Variants in MGST2 observed in about 807,000 individuals in gnomAD.
MGST2 encodes the protein glutathione peroxidase MGST2.
Under a neutral mutation model 16.6 loss-of-function variants are expected in MGST2, and 9 were observed. The observed-to-expected ratio is 0.54, with a 90% CI of 0.33 to 0.95. The LOEUF (loss-of-function observed/expected upper bound fraction) is 0.95, where lower values mean the gene tolerates loss of function less well. MGST2 is among the 40% of genes least tolerant of loss of function. MGST2 has a pLI of 0.03. For synonymous variants in MGST2, 79 were observed against 68.0 expected, an observed-to-expected ratio of 1.16 and a Z score of -0.79; for missense variants, 159 against 175.1, an observed-to-expected ratio of 0.91 and a Z score of 0.52.
downstream of MGST2, among the ~76,000 whole-genome samples, chr4:139,706,964 T>C (rs1383492099): frequency 6.6e-6 from 1 of 152,170 alleles, no homozygotes; most frequent in Non-Finnish European, 1.5e-5. Flanking sequence ...AGAAATCAGA[T>C]TCATTGCCTT....
downstream of MGST2, among the ~76,000 whole-genome samples, chr4:139,709,071 A>AATTTTTTTT (rs755140695): frequency 6.1e-5 from 5 of 82,026 alleles, no homozygotes; most frequent in Non-Finnish European, 9.0e-5. Flanking sequence ...AATGGAAAAA[A>AATTTTTTTT]TTTTTTTTTT....
At chr4:139,739,863 A>G (rs903144413) in intron 5 of MGST2, among the ~76,000 whole-genome samples, 10 of 152,128 alleles carry the variant, frequency 6.6e-5, no homozygotes, top group Non-Finnish European at 1.2e-4. Flanking sequence ...ATTATTTTTA[A>G]AAGCTTGTTA....
At chr4:139,703,718 G>A (rs969247529) in intron 4 of MGST2, among the ~76,000 whole-genome samples, 182 bp downstream of exon 4, 4 of 152,210 alleles carry the variant, frequency 2.6e-5, no homozygotes, top group Admixed American at 6.5e-5. Flanking sequence ...GAAAATGCAA[G>A]TATAAAACTG....
chr4:139,719,017 C>A, intron 5 of MGST2: 1 of 316,732 alleles, frequency 3.2e-6, no homozygotes, highest in South Asian at 6.1e-5. Context: ...GCCAGGCGAT[C>A]ACAGGGCATG....
intron 5 of MGST2, among the ~76,000 whole-genome samples, chr4:139,726,776 C>T (rs536154328): frequency 1.9e-4 from 29 of 152,336 alleles, no homozygotes; most frequent in African/African-American, 7.0e-4. Context: ...CTTTCTTCTT[C>T]CACTCACGGG....
At chr4:139,672,300 C>A (rs911358394) in intron 1 of MGST2, among the ~76,000 whole-genome samples, 12 of 152,174 alleles carry the variant, frequency 7.9e-5, no homozygotes, top group Admixed American at 2.0e-4. Flanking sequence ...TAGGTGGAAA[C>A]AAGAAGACTT....
chr4:139,694,918 T>G (rs955784180), intron 2 of MGST2, among the ~76,000 whole-genome samples: 53 of 152,172 alleles, frequency 3.5e-4, no homozygotes, highest in African/African-American at 1.3e-3. Flanking sequence ...AGATATGGAG[T>G]GATCTTTAGG....
intron 3 of MGST2, chr4:139,698,428 T>C: frequency 6.5e-6 from 9 of 1,386,866 alleles, no homozygotes; most frequent in Non-Finnish European, 7.2e-6. Context: ...GTACCAGGCC[T>C]GTAACGATGA....
intron 5 of MGST2, chr4:139,730,855 G>GAGGC (rs1233066684): frequency 3.3e-6 from 2 of 606,430 alleles, no homozygotes; most frequent in Non-Finnish European, 5.8e-6. Context: ...TAGAATGAGA[G>GAGGC]AGGCCACAAG....
At chr4:139,752,835 A>G in the MGST2 span, among the ~76,000 whole-genome samples, 7 of 152,274 alleles carry the variant, frequency 4.6e-5, no homozygotes, top group East Asian at 1.4e-3. Flanking sequence ...TACATTGATA[A>G]CCATAGTTCT....
In MGST2 at chr4:139,703,483, C is replaced by T. The variant is rs200131513; in HGVS notation, c.258C>T (p.Tyr86=). 6.2e-7 allele frequency: 1 copy of T among 1,613,728 alleles called. No individual in the cohort carries two copies. Among genetic ancestry groups the T allele is most frequent in the Non-Finnish European group, 8.5e-7 (1 of 1,179,902 alleles). The change falls in exon 4 of 5, where the codon TAC becomes TAT. Residue 86 remains tyrosine, a synonymous_variant. Coordinates refer to ENST00000265498, the MANE Select transcript of MGST2 (RefSeq NM_002413.5). The stretch of plus-strand genomic sequence containing the variant: ...TTGCTACTTGTCTGGGTCTGGTGTA[C>T]ATATATGGCCGTCACCTATACTTCT... ...QVFATCLGLV[Y]IYGRHLYFWG... is the part of the protein sequence containing the mutation.
chr4:139,692,088 G>A (rs927216431), intron 2 of MGST2, among the ~76,000 whole-genome samples: 2 of 152,176 alleles, frequency 1.3e-5, no homozygotes, highest in Non-Finnish European at 2.9e-5. Flanking sequence ...CAGCAAAAGA[G>A]GGACCAGGGT....
chr4:139,725,745 C>A (rs967966820), intron 5 of MGST2: 24 of 1,613,638 alleles, frequency 1.5e-5, no homozygotes, highest in Non-Finnish European at 2.0e-5. Context: ...GTTGCACTGG[C>A]CTCACCTTGA....
intron 5 of MGST2, among the ~76,000 whole-genome samples, chr4:139,727,187 G>A (rs767681062): frequency 1.3e-5 from 2 of 152,024 alleles, no homozygotes; most frequent in Non-Finnish European, 2.9e-5. Flanking sequence ...CAGTATTCTG[G>A]CAACCAAAGA....
downstream of MGST2, among the ~76,000 whole-genome samples, chr4:139,742,198 A>G (rs749963055): frequency 1.3e-5 from 2 of 150,958 alleles, no homozygotes; most frequent in Admixed American, 6.6e-5. Context: ...AGCCAGGCTG[A>G]AGTGCAGTGG....
chr4:139,673,532 A>C (rs182057792), intron 1 of MGST2, among the ~76,000 whole-genome samples: 1 of 152,214 alleles, frequency 6.6e-6, no homozygotes. Flanking sequence ...TCAGCCTCCT[A>C]AGTAGCTGGA....
chr4:139,686,004 C>A (rs1484747163), intron 2 of MGST2, among the ~76,000 whole-genome samples: 1 of 152,202 alleles, frequency 6.6e-6, no homozygotes, highest in Non-Finnish European at 1.5e-5. Flanking sequence ...TGATCATAGC[C>A]CATGCCACAG....
intron 2 of MGST2, among the ~76,000 whole-genome samples, chr4:139,686,834 C>T (rs577688024): frequency 5.3e-5 from 8 of 152,270 alleles, no homozygotes; most frequent in Admixed American, 2.0e-4. Flanking sequence ...AAAATCATCA[C>T]GGGAGGAAAT....
chr4:139,741,078 C>G (rs565568587), downstream of MGST2, among the ~76,000 whole-genome samples: 1 of 152,196 alleles, frequency 6.6e-6, no homozygotes, highest in Non-Finnish European at 1.5e-5. Context: ...TTTCCCCACC[C>G]TCGGCCCCCA....
Sources: gnomAD v4.1 joint callset for allele counts (sites outside exome capture counted in the v4.1 genomes callset) on GRCh38, gnomAD v4.1.1 for gene constraint, MANE v1.5 for transcripts, NCBI Gene and HGNC (gene_info 2026-07-23, HGNC 2026-07-21) for gene names.